WDR86: variants seen among roughly 807,000 people sequenced by gnomAD.
WDR86 encodes WD repeat-containing protein 86.
Under a neutral mutation model 36.5 loss-of-function variants are expected in WDR86, and 30 were observed. That is an observed-to-expected ratio of 0.82 (90% confidence interval 0.61 to 1.11). The LOEUF (loss-of-function observed/expected upper bound fraction) is 1.11, where lower values mean the gene tolerates loss of function less well. Among genes scored for constraint, WDR86 ranks in the 50% most tolerant of loss-of-function variants. The probability of loss-of-function intolerance (pLI) is 0.00; values close to 1 mark genes in which losing one functional copy is unlikely to be tolerated. For synonymous variants in WDR86, 255 were observed against 252.9 expected (o/e 1.01, Z -0.08); for missense variants, 545 against 561.2 (o/e 0.97, Z 0.29).
At chr7:151,384,675 C>T (rs1474825451) in intron 4 of WDR86, among the ~76,000 whole-genome samples, 1 of 152,238 alleles carries the variant, frequency 6.6e-6, no homozygotes, top group African/African-American at 2.4e-5. Flanking sequence ...AAACCACCAC[C>T]TCATTGGAAC....
intron 1 of WDR86, among the ~76,000 whole-genome samples, chr7:151,402,590 G>A (rs1375998808): frequency 1.3e-5 from 2 of 152,314 alleles, no homozygotes; most frequent in African/African-American, 4.8e-5. Flanking sequence ...GGAGAACAGC[G>A]GCTAGGAAAG....
chr7:151,393,099 C>T (rs1007509290), intron 3 of WDR86, among the ~76,000 whole-genome samples: 19 of 152,210 alleles, frequency 1.2e-4, no homozygotes, highest in Non-Finnish European at 2.5e-4. Context: ...TAGCCAGAGC[C>T]TCTGGCCCCC....
chr7:151,392,219 C>A (rs879381250), intron 3 of WDR86, among the ~76,000 whole-genome samples: 3 of 152,156 alleles, frequency 2.0e-5, no homozygotes, highest in Non-Finnish European at 2.9e-5. Flanking sequence ...TGCTCCCCTG[C>A]GCCCAGGCCT....
intron 1 of WDR86, among the ~76,000 whole-genome samples, chr7:151,402,047 CA>C (rs71198714): frequency 0.019 from 287 of 14,956 alleles, 4 homozygotes; most frequent in South Asian, 0.05. Context: ...AACTCTGCCT[CA>C]AAAAAAAAAA....
In WDR86 at chr7:151,400,234, T is replaced by C; in HGVS notation, c.171A>G (p.Glu57=). 6.2e-7 allele frequency: 1 copy of C among 1,606,846 alleles called. No individual in the cohort carries two copies. The highest frequency in any genetic ancestry group is 1.7e-5 in the Admixed American group (1 of 59,316). ...GQCCALLQGH[E]SYVTFCQLED... ...CCAGCTGGCAGAAGGTCACATAGCT[T>C]TCATGTCCTGCAGATGAGGGACAGG... The change falls in exon 2 of 6, where the codon GAA becomes GAG. Residue 57 remains glutamate (E), a synonymous_variant. Coordinates refer to ENST00000334493, the MANE Select transcript of WDR86 (RefSeq NM_198285.3).
In WDR86 at chr7:151,381,996, C is replaced by G. The variant is rs577359034; in HGVS notation, c.863-15G>C. The G allele has an allele frequency of 4.3e-5, 68 of 1,582,954 alleles. No homozygotes were observed. The highest frequency in any genetic ancestry group is 5.7e-5 in the Non-Finnish European group (66 of 1,165,492). ...GCCCGTGAACACTGCGGACACACAG[C>G]GCGCGCTGGGCCTCCCTCCCTGCTC... On this transcript the variant is annotated splice_polypyrimidine_tract_variant and intron_variant, in intron 4 of 5. Coordinates refer to ENST00000334493, the MANE Select transcript of WDR86 (RefSeq NM_198285.3). The surrounding 1 kb of genome is among the most constrained non-coding windows in gnomAD (Gnocchi z 4.8).
intron 4 of WDR86, among the ~76,000 whole-genome samples, chr7:151,383,185 G>GT (rs1798733353): frequency 6.7e-6 from 1 of 148,662 alleles, no homozygotes; most frequent in African/African-American, 2.5e-5. Flanking sequence ...GGGTGGGGGG[G>GT]GGGAGCTGGG....
At chr7:151,408,199 C>CTTT (rs1029293163) in intron 1 of WDR86, among the ~76,000 whole-genome samples, 1,938 of 115,924 alleles carry the variant, frequency 0.017, 84 homozygotes, top group African/African-American at 0.065. Context: ...CTTTTCTTTT[C>CTTT]TTTTTTTTTT....
downstream of WDR86, chr7:151,374,079 T>A (rs1285913174): frequency 6.5e-7 from 1 of 1,547,504 alleles, no homozygotes; most frequent in Non-Finnish European, 8.7e-7. Flanking sequence ...GGGATGGGAC[T>A]TTGCTGTTTT....
At chr7:151,395,036 G>A (rs1035237237) in intron 3 of WDR86, among the ~76,000 whole-genome samples, 1 of 152,228 alleles carries the variant, frequency 6.6e-6, no homozygotes, top group Non-Finnish European at 1.5e-5. Flanking sequence ...CACAGAGGCT[G>A]GGTGGCTTGT....
chr7:151,372,471 G>C (rs1168096862), downstream of WDR86, among the ~76,000 whole-genome samples: 1 of 152,206 alleles, frequency 6.6e-6, no homozygotes, highest in African/African-American at 2.4e-5. Flanking sequence ...TGGATGTTAG[G>C]TGCGCTTCTT....
chr7:151,403,004 C>T lies in WDR86; in HGVS notation c.164-2763G>A, dbSNP rs188016526. ...CCCCTGCAGATACCAAACTCCACAA[C>T]GCTCAGGTCCCTGTGGTGTAGTATT... is the stretch of plus-strand genomic sequence containing the variant. On this transcript the variant is annotated intron_variant, in intron 1 of 5. Coordinates refer to ENST00000334493, the MANE Select transcript of WDR86 (RefSeq NM_198285.3). Among the ~76,000 whole-genome samples the T allele has an allele frequency of 9.8e-5, 15 of 152,346 alleles. No homozygotes were observed. In the East Asian group the frequency reaches 2.9e-3, roughly 29 times the overall value.
chr7:151,408,654 C>A (rs542092069), intron 1 of WDR86: 1 of 300,784 alleles, frequency 3.3e-6, no homozygotes, highest in Admixed American at 3.9e-5. Flanking sequence ...GAAAGCCTCG[C>A]GGCTCATCCA....
At chr7:151,396,875 C>T (rs965312456) in intron 2 of WDR86, among the ~76,000 whole-genome samples, 31 of 152,242 alleles carry the variant, frequency 2.0e-4, no homozygotes, top group African/African-American at 7.5e-4. Context: ...GGGTTCTAGC[C>T]ACATGGCTGG....
rs1241292098 is a variant in WDR86, at chr7:151,390,273, C to T, written c.727-5050G>A. Among the ~76,000 whole-genome samples, 2 of 152,156 alleles carry T rather than the reference C, an allele frequency of 1.3e-5. No homozygotes were observed. Among genetic ancestry groups the T allele is most frequent in the African/African-American group, 4.8e-5 (2 of 41,438 alleles). ...GCTCTCCCCGTGAAAACAGACCAAG[C>T]CCAGAGCTCACTGCACACCCCCCAC... is the stretch of plus-strand genomic sequence containing the variant. On this transcript the variant is annotated intron_variant, in intron 3 of 5. Transcript: ENST00000334493. The surrounding 1 kb of genome is among the most constrained non-coding windows in gnomAD (Gnocchi z 4.5).
intron 3 of WDR86, among the ~76,000 whole-genome samples, chr7:151,391,814 C>A (rs1799458472): frequency 6.6e-6 from 1 of 152,004 alleles, no homozygotes; most frequent in Non-Finnish European, 1.5e-5. Context: ...ATCTAGGAGT[C>A]CAAGTACAGG....
At chr7:151,386,079 A>T (rs1377247181) in intron 3 of WDR86, among the ~76,000 whole-genome samples, 1 of 152,090 alleles carries the variant, frequency 6.6e-6, no homozygotes. Context: ...GCCTCCTGCC[A>T]CTACTGCTAG....
chr7:151,410,066 C>T, upstream of WDR86: 1 of 986,750 alleles, frequency 1.0e-6, no homozygotes, highest in Non-Finnish European at 1.2e-6. Context: ...CAGAGACCAC[C>T]CCTCACCCGA....
At chr7:151,374,147 C>A (rs754174937), downstream of WDR86, 13 of 1,575,520 alleles carry the variant, frequency 8.3e-6, no homozygotes, top group Non-Finnish European at 1.0e-5. Context: ...GACGCCGCCT[C>A]GAGAACATCA....
Sources: allele counts gnomAD v4.1 joint callset (sites outside exome capture counted in the v4.1 genomes callset), GRCh38; gene constraint gnomAD v4.1.1; non-coding constraint Gnocchi (gnomAD v3.1); transcripts MANE v1.5; gene names NCBI Gene and HGNC (gene_info 2026-07-23, HGNC 2026-07-21).